PALLD: variants seen among roughly 807,000 people sequenced by gnomAD.
PALLD encodes palladin.
Under a neutral mutation model 123.5 loss-of-function variants are expected in PALLD, and 61 were observed. The observed-to-expected ratio is 0.49, with a 90% CI of 0.40 to 0.61. The LOEUF (loss-of-function observed/expected upper bound fraction) is 0.61. PALLD is among the 20% of genes least tolerant of loss of function. The pLI, the probability that PALLD is intolerant of heterozygous loss-of-function variation, is 0.00. For synonymous variants in PALLD, 465 were observed against 496.4 expected (o/e 0.94, Z 0.84); for missense variants, 1,273 against 1,377.0 (o/e 0.92, Z 1.20).
At chr4:168,564,279 G>A (rs943895887) in intron 2 of PALLD, among the ~76,000 whole-genome samples, 5 of 152,168 alleles carry the variant, frequency 3.3e-5, no homozygotes, top group Non-Finnish European at 5.9e-5. Context: ...ATAAGGTCAC[G>A]TAGACTCCAA....
rs147312638 is a variant in PALLD at position 168,772,640 on chromosome 4, C to T, written c.1964+60717C>T. The stretch of plus-strand genomic sequence containing the variant: ...ACAGTTCCAATTGTATTCTGTATTA[C>T]GTGTATGTGCCCTCTTTGCATAAAT... On this transcript the variant is annotated intron_variant, in intron 10 of 21. Transcript: ENST00000505667. 7.7e-3 allele frequency among the ~76,000 whole-genome samples: 1,175 copies of T among 152,228 alleles called. 5 individuals are homozygous for T. The highest frequency in any genetic ancestry group is 0.024 in the Middle Eastern group (7 of 292).
At chr4:168,530,984 A>C (rs558838555) in intron 2 of PALLD, among the ~76,000 whole-genome samples, 4 of 152,334 alleles carry the variant, frequency 2.6e-5, no homozygotes, top group African/African-American at 9.6e-5. Flanking sequence ...AGATATTCCC[A>C]ACAGAGAATC....
At chr4:168,860,530 A>C (rs375035814) in intron 10 of PALLD, among the ~76,000 whole-genome samples, 1 of 152,266 alleles carries the variant, frequency 6.6e-6, no homozygotes, top group East Asian at 1.9e-4. Flanking sequence ...GGTGATTTTA[A>C]TTCAGCCTGA....
chr4:168,913,791 G>C (rs1362791620), intron 15 of PALLD, 136 bp from the exon 16 acceptor site: 3 of 703,650 alleles, frequency 4.3e-6, no homozygotes, highest in Admixed American at 2.0e-5. Context: ...TTCTGAAAAG[G>C]GTTAGTCATT....
At chr4:168,731,626 G>A (rs992174276) in intron 10 of PALLD, among the ~76,000 whole-genome samples, 14 of 152,222 alleles carry the variant, frequency 9.2e-5, no homozygotes, top group African/African-American at 3.4e-4. Flanking sequence ...CATATAGAAA[G>A]TTTCAGAAAT....
intron 2 of PALLD, among the ~76,000 whole-genome samples, chr4:168,641,001 G>A (rs1776884588): frequency 6.6e-6 from 1 of 152,146 alleles, no homozygotes; most frequent in African/African-American, 2.4e-5. Context: ...GAGGTCAGGA[G>A]ATCGAGACCA....
chr4:168,594,462 A>G (rs1771780697), intron 2 of PALLD, among the ~76,000 whole-genome samples: 1 of 152,154 alleles, frequency 6.6e-6, no homozygotes, highest in Non-Finnish European at 1.5e-5. Context: ...GTATCCCACT[A>G]ATACTTAACA....
intron 2 of PALLD, among the ~76,000 whole-genome samples, chr4:168,529,238 A>C (rs1157813987): frequency 1.3e-5 from 2 of 152,040 alleles, no homozygotes; most frequent in Non-Finnish European, 2.9e-5. Context: ...TCTGGAGACT[A>C]AGGCAAGAGA....
chr4:168,924,392 T>C lies in PALLD; in HGVS notation c.3196T>C (p.Ser1066Pro). ...PQIFWKKENE[S>P]LTHSTDRVSM... ...GATATTTTGGAAGAAAGAAAATGAA[T>C]CACTCACTCACAGCACTGACCGAGT... The change falls in exon 19 of 22, where the codon TCA (serine) becomes CCA (proline). Residue 1066 changes from serine (S) to proline (P), a missense_variant. By Grantham distance (74) the Ser-to-Pro change is moderately conservative. Transcript: ENST00000505667. 6.2e-7 allele frequency: 1 copy of C among 1,613,946 alleles called. No individual in the cohort carries two copies. Among genetic ancestry groups the C allele is most frequent in the East Asian group, 2.2e-5 (1 of 44,866 alleles).
At chr4:168,755,164 C>G (rs771499043) in intron 10 of PALLD, among the ~76,000 whole-genome samples, 1 of 143,358 alleles carries the variant, frequency 7.0e-6, no homozygotes, top group South Asian at 2.4e-4. Flanking sequence ...GCCTGGGAGG[C>G]GGAGCTTGCG....
At chr4:168,518,602 T>G (rs1243847504) in intron 2 of PALLD, among the ~76,000 whole-genome samples, 4 of 152,184 alleles carry the variant, frequency 2.6e-5, no homozygotes, top group East Asian at 3.9e-4. Context: ...CCCAGATATC[T>G]GCAGGATTAA....
intron 10 of PALLD, among the ~76,000 whole-genome samples, chr4:168,771,740 C>G (rs7680120): frequency 0.33 from 49,667 of 151,986 alleles, 8,990 homozygotes; most frequent in Non-Finnish European, 0.42. Flanking sequence ...CTCAAGGCGA[C>G]TCTCCTTCCC....
At chr4:168,794,490 GCACGCACACACA>G (rs1182715431) in intron 10 of PALLD, among the ~76,000 whole-genome samples, 11 of 136,842 alleles carry the variant, frequency 8.0e-5, no homozygotes, top group East Asian at 2.4e-4. Context: ...ACACACACAT[GCACGCACACACA>G]CACGCACACA....
intron 10 of PALLD, among the ~76,000 whole-genome samples, chr4:168,830,186 C>T (rs996871501): frequency 6.9e-6 from 1 of 145,178 alleles, no homozygotes; most frequent in African/African-American, 2.6e-5. Context: ...GAGCCGAGAT[C>T]ACGCCACTGC....
chr4:168,552,312 T>G (rs1766820365), intron 2 of PALLD, among the ~76,000 whole-genome samples: 1 of 152,098 alleles, frequency 6.6e-6, no homozygotes, highest in Non-Finnish European at 1.5e-5. Context: ...GTTGGATTCA[T>G]TTGGTTTTTT....
At chr4:168,597,438 T>A (rs149521775) in intron 2 of PALLD, among the ~76,000 whole-genome samples, 1 of 152,034 alleles carries the variant, frequency 6.6e-6, no homozygotes, top group African/African-American at 2.4e-5. Context: ...TCTAATAAAT[T>A]ATAAATTTTT....
Position 168,921,526 on chromosome 4 carries a change from T to C in PALLD, c.2851-8T>C, listed in dbSNP as rs1232264624. 6.3e-7 allele frequency: 1 copy of C among 1,576,082 alleles called. No individual in the cohort carries two copies. The highest frequency in any genetic ancestry group is 8.6e-7 in the Non-Finnish European group (1 of 1,156,878). On this transcript the variant is annotated splice_region_variant and splice_polypyrimidine_tract_variant and intron_variant, in intron 17 of 21. Coordinates refer to ENST00000505667, the MANE Select transcript of PALLD (RefSeq NM_001166108.2). ...CAAAAATTTACATGTATTTCTTTTA[T>C]GATTTAGGTCAGTGGGTTACCAACC...
At chr4:168,707,580 T>C (rs777453475) in intron 8 of PALLD, among the ~76,000 whole-genome samples, 5 of 152,208 alleles carry the variant, frequency 3.3e-5, no homozygotes, top group Non-Finnish European at 5.9e-5. Context: ...TGGCTCAGAA[T>C]TGGCCAACAA....
At chr4:168,643,930 A>G (rs1777193076) in intron 2 of PALLD, among the ~76,000 whole-genome samples, 1 of 152,144 alleles carries the variant, frequency 6.6e-6, no homozygotes, top group Non-Finnish European at 1.5e-5. Flanking sequence ...GGAGGAAATG[A>G]CAGAGCCAGG....
Sources: gnomAD v4.1 joint callset for allele counts (sites outside exome capture counted in the v4.1 genomes callset) on GRCh38, gnomAD v4.1.1 for gene constraint, MANE v1.5 for transcripts, NCBI Gene and HGNC (gene_info 2026-07-23, HGNC 2026-07-21) for gene names.